The following RAD51B variants were observed in gnomAD, a reference collection of about 807,000 sequenced individuals.
RAD51B encodes the protein RAD51 paralog B, also known as DNA repair protein RAD51 homolog 2.
RAD51B carries 38 observed loss-of-function variants against 42.2 expected under a neutral mutation model. The observed-to-expected ratio is 0.90, with a 90% CI of 0.70 to 1.18. The LOEUF (loss-of-function observed/expected upper bound fraction) is 1.18. Ranked by LOEUF, RAD51B falls within the 50% of genes most tolerant of loss-of-function variation. The probability of loss-of-function intolerance (pLI) is 0.00; values close to 1 mark genes in which losing one functional copy is unlikely to be tolerated. For missense variants in RAD51B, 373 were observed against 400.7 expected, an observed-to-expected ratio of 0.93 and a Z score of 0.59; for synonymous variants, 154 against 145.2, an observed-to-expected ratio of 1.06 and a Z score of -0.43.
intron 10 of RAD51B, among the ~76,000 whole-genome samples, chr14:68,640,406 G>A (rs903740172): frequency 6.6e-6 from 1 of 152,198 alleles, no homozygotes; most frequent in Non-Finnish European, 1.5e-5. Flanking sequence ...CTCATTGAAA[G>A]GGTTAGGAGT....
At chr14:68,439,895 C>T (rs1424359104) in intron 9 of RAD51B, among the ~76,000 whole-genome samples, 1 of 152,218 alleles carries the variant, frequency 6.6e-6, no homozygotes, top group African/African-American at 2.4e-5. Flanking sequence ...TGCCCCTCCC[C>T]TGTTGAAAGC....
At chr14:68,188,843 T>A (rs557627862) in intron 7 of RAD51B, among the ~76,000 whole-genome samples, 1 of 152,214 alleles carries the variant, frequency 6.6e-6, no homozygotes, top group African/African-American at 2.4e-5. Context: ...TGTATGTGCT[T>A]CAGACACACT....
chr14:68,613,918 T>C (rs1891772376), downstream of RAD51B, among the ~76,000 whole-genome samples: 1 of 152,228 alleles, frequency 6.6e-6, no homozygotes, highest in Non-Finnish European at 1.5e-5. Context: ...CCTGCTGTTG[T>C]GTGGCCATTC....
downstream of RAD51B, among the ~76,000 whole-genome samples, chr14:68,483,001 A>G (rs903902247): frequency 2.6e-5 from 4 of 152,202 alleles, no homozygotes; most frequent in African/African-American, 9.7e-5. Context: ...ATGCACTGCC[A>G]CAGTTGCCAC....
chr14:67,855,292 G>A (rs1286676694), intron 4 of RAD51B, among the ~76,000 whole-genome samples: 2 of 151,836 alleles, frequency 1.3e-5, no homozygotes, highest in Admixed American at 6.6e-5. Context: ...GTGCAGTGGT[G>A]CGATCTCGGC....
At chr14:68,423,356 T>C (rs1278988094) in intron 9 of RAD51B, among the ~76,000 whole-genome samples, 1 of 152,216 alleles carries the variant, frequency 6.6e-6, no homozygotes, top group African/African-American at 2.4e-5. Flanking sequence ...GTTGCTATGC[T>C]GAGTTGATTC....
intron 7 of RAD51B, among the ~76,000 whole-genome samples, chr14:67,963,920 G>C (rs946680985): frequency 2.0e-5 from 3 of 151,338 alleles, no homozygotes; most frequent in Non-Finnish European, 4.4e-5. Context: ...AAAGTGAAAG[G>C]GACTTTGAAA....
intron 7 of RAD51B, among the ~76,000 whole-genome samples, chr14:68,204,226 C>A (rs2079543230): frequency 6.6e-6 from 1 of 152,140 alleles, no homozygotes; most frequent in South Asian, 2.1e-4. Context: ...TTCACTTGAA[C>A]ACTTAGAGGC....
chr14:67,926,533 T>C (rs548621387), intron 7 of RAD51B, among the ~76,000 whole-genome samples: 14 of 151,052 alleles, frequency 9.3e-5, no homozygotes, highest in Non-Finnish European at 2.1e-4. Flanking sequence ...AGACAGATCA[T>C]GCCAGTGTTG....
downstream of RAD51B, among the ~76,000 whole-genome samples, chr14:68,482,418 G>A (rs1883271175): frequency 6.6e-6 from 1 of 152,142 alleles, no homozygotes; most frequent in Non-Finnish European, 1.5e-5. Context: ...CTCAGAGACA[G>A]GGTTGTAAAA....
rs367721803 is a variant in RAD51B, at chr14:68,397,420, G to A, written c.854-14004G>A. Among the ~76,000 whole-genome samples the A allele has an allele frequency of 1.7e-4, 26 of 152,316 alleles. No homozygotes were observed. The South Asian group carries it at 4.8e-3, about 28-fold the overall frequency. On this transcript the variant is annotated intron_variant, in intron 8 of 10. Coordinates refer to ENST00000471583, the MANE Select transcript of RAD51B (RefSeq NM_133510.4). ...TGAGCTCCCTCTCCCGCCATGAGGC[G>A]GCTGCCTGAAAGTACTTGACTGCCC...
At chr14:68,115,525 C>T (rs1186460416) in intron 7 of RAD51B, among the ~76,000 whole-genome samples, 3 of 135,350 alleles carry the variant, frequency 2.2e-5, no homozygotes, top group African/African-American at 3.1e-5. Flanking sequence ...TGCACATGTA[C>T]CCTAAAACTT....
chr14:68,528,890 C>G (rs1001030429), intron 10 of RAD51B, among the ~76,000 whole-genome samples: 1 of 152,264 alleles, frequency 6.6e-6, no homozygotes, highest in South Asian at 2.1e-4. Context: ...AACTAAGAAT[C>G]AAACAAGTTA....
At chr14:68,635,403 T>C (rs1346560997) in intron 10 of RAD51B, among the ~76,000 whole-genome samples, 3 of 152,360 alleles carry the variant, frequency 2.0e-5, no homozygotes, top group Middle Eastern at 3.4e-3. Flanking sequence ...AGAGATGTGA[T>C]GCTAACTCAG....
chr14:68,023,363 T>C (rs528697723), intron 7 of RAD51B, among the ~76,000 whole-genome samples: 6 of 152,264 alleles, frequency 3.9e-5, no homozygotes, highest in African/African-American at 1.4e-4. Flanking sequence ...TTTGAGACAG[T>C]CTCCCTCTGT....
chr14:68,462,078 C>T (rs1453339897), intron 9 of RAD51B, among the ~76,000 whole-genome samples: 1 of 152,130 alleles, frequency 6.6e-6, no homozygotes, highest in Non-Finnish European at 1.5e-5. Flanking sequence ...TCTGCTGAGT[C>T]CCACTGAAAA....
chr14:68,100,321 G>A (rs1293020151), intron 7 of RAD51B, among the ~76,000 whole-genome samples: 1 of 152,140 alleles, frequency 6.6e-6, no homozygotes, highest in Non-Finnish European at 1.5e-5. Flanking sequence ...TTGCACAGAG[G>A]TTTGATTTTG....
chr14:68,210,692 G>A (rs2079687935), intron 7 of RAD51B, among the ~76,000 whole-genome samples: 1 of 152,134 alleles, frequency 6.6e-6, no homozygotes, highest in Non-Finnish European at 1.5e-5. Context: ...CAGAGTTTGT[G>A]TGAGAATTAA....
chr14:67,881,583 G>A (rs747031482), intron 5 of RAD51B, among the ~76,000 whole-genome samples: 1 of 152,150 alleles, frequency 6.6e-6, no homozygotes, highest in Non-Finnish European at 1.5e-5. Context: ...AACTCAGGTT[G>A]TCTACCAGGC....
Sources: allele counts gnomAD v4.1 joint callset (sites outside exome capture counted in the v4.1 genomes callset), GRCh38; gene constraint gnomAD v4.1.1; transcripts MANE v1.5; gene names NCBI Gene and HGNC (gene_info 2026-07-23, HGNC 2026-07-21).